The following DGCR6L variants were observed in gnomAD, a reference collection of about 807,000 sequenced individuals.
The protein encoded by DGCR6L is protein DGCR6L.
DGCR6L carries 24 observed loss-of-function variants against 31.1 expected under a neutral mutation model. The ratio of observed to expected loss-of-function variants is 0.77; its 90% CI spans 0.56 to 1.08. DGCR6L has a LOEUF of 1.08. Ranked by LOEUF, DGCR6L falls within the 50% of genes least tolerant of loss-of-function variation. The pLI, the probability that DGCR6L is intolerant of heterozygous loss-of-function variation, is 0.00. For missense variants in DGCR6L, 218 were observed against 287.1 expected (o/e 0.76, Z 1.74); for synonymous variants, 104 against 126.1 (o/e 0.82, Z 1.17).
chr22:20,314,675 C>G lies in DGCR6L; in HGVS notation c.663G>C (p.Ter221TyrextTer51). Residue 221 changes from the stop codon to tyrosine, a stop_lost, in exon 5 of 5, where the codon TAG (stop) becomes TAC (tyrosine). Transcript: ENST00000248879. Reference protein sequence around the residue: ...CDQKGSPVPP* With the variant: ...CDQKGSPVPPY ...CTGCCCAGACTTCTGCTGCCTGTGG[C>G]TATGGTGGGACAGGGCTGCCTTTCT... 1 of 1,592,604 alleles carries G rather than the reference C, an allele frequency of 6.3e-7. No homozygotes were observed. The highest frequency in any genetic ancestry group is 1.7e-5 in the Admixed American group (1 of 58,370).
rs1203159207 is a variant in DGCR6L at position 20,315,357 on chromosome 22, G to A, written c.492C>T (p.Phe164=). The A allele has an allele frequency of 1.9e-6, 3 of 1,613,572 alleles. No homozygotes were observed. The highest frequency in any genetic ancestry group is 2.5e-6 in the Non-Finnish European group (3 of 1,179,928). Residue 164 remains phenylalanine, a synonymous_variant, in exon 4 of 5, where the codon TTC becomes TTT. Coordinates refer to ENST00000248879, the MANE Select transcript of DGCR6L (RefSeq NM_033257.4). ...TGACCTGTGGGTTGGTGGTCACGTA[G>A]AAGCCAGCCACCCCCGCCTTCTCCA... ...STLEKAGVAG[F]YVTTNPQELM... is the part of the protein sequence containing the mutation.
At position 20,315,536 on chromosome 22, in the gene DGCR6L, G is replaced by A. The variant is rs530159375; in HGVS notation, c.373-60C>T. The stretch of plus-strand genomic sequence containing the variant: ...GAGGGCAGCTCTGCCATCAGGGGGC[G>A]GGGAGGTGAGGGCAGCTCAAACACA... On this transcript the variant is annotated intron_variant, in intron 3 of 4. Transcript: ENST00000248879. 1.0e-4 allele frequency: 159 copies of A among 1,578,334 alleles called. No individual in the cohort carries two copies. The South Asian group carries it at 1.3e-3, about 13-fold the overall frequency.
chr22:20,318,688 T>C (rs2146018892), intron 2 of DGCR6L: 1 of 152,336 alleles, frequency 6.6e-6, no homozygotes, highest in Middle Eastern at 3.4e-3. Flanking sequence ...ACCAGTTTTG[T>C]TCTAGAGCAC....
At chr22:20,316,313 G>A in intron 2 of DGCR6L, 94 bp from the exon 3 acceptor site, 8 of 1,491,262 alleles carry the variant, frequency 5.4e-6, no homozygotes, top group Non-Finnish European at 7.3e-6. Flanking sequence ...GAGCAGCCAG[G>A]CCAAAGGGGT....
chr22:20,316,863 A>G (rs1437149958), intron 2 of DGCR6L, among the ~76,000 whole-genome samples: 3 of 152,160 alleles, frequency 2.0e-5, no homozygotes, highest in Non-Finnish European at 2.9e-5. Flanking sequence ...CCATCAAGTA[A>G]AGCTCCACGG....
intron 2 of DGCR6L, chr22:20,318,417 G>A (rs1045886169): frequency 3.9e-5 from 6 of 152,204 alleles, no homozygotes; most frequent in African/African-American, 1.4e-4. Flanking sequence ...TCGTCTGATA[G>A]ATCAAGAGCA....
At chr22:20,315,015 G>A (rs1264228035) in intron 4 of DGCR6L, 191 bp from the exon 5 acceptor site, 2 of 1,349,382 alleles carry the variant, frequency 1.5e-6, no homozygotes, top group Non-Finnish European at 2.1e-6. Flanking sequence ...TCTGCCCCCA[G>A]CAGGGCCACT....
chr22:20,315,349 G>A lies in DGCR6L; in HGVS notation c.500C>T (p.Thr167Ile). The change falls in exon 4 of 5, where the codon ACC (threonine) becomes ATC (isoleucine). Residue 167 changes from threonine (T) to isoleucine (I), a missense_variant. Coordinates refer to ENST00000248879, the MANE Select transcript of DGCR6L (RefSeq NM_033257.4). ...CCAGGCACTGACCTGTGGGTTGGTG[G>A]TCACGTAGAAGCCAGCCACCCCCGC... ...EKAGVAGFYV[T>I]TNPQELMLQM... The A allele has an allele frequency of 6.2e-6, 10 of 1,613,400 alleles. No homozygotes were observed. Among genetic ancestry groups the A allele is most frequent in the Non-Finnish European group, 8.5e-6 (10 of 1,179,814 alleles).
chr22:20,318,757 T>G (rs1201833389), intron 2 of DGCR6L: 1 of 152,192 alleles, frequency 6.6e-6, no homozygotes, highest in African/African-American at 2.4e-5. Flanking sequence ...GAGGCATTCT[T>G]GGTTTTCAGG....
At chr22:20,315,561 A>T (rs2051565543) in intron 3 of DGCR6L, 85 bp from the exon 4 acceptor site, 1 of 1,537,922 alleles carries the variant, frequency 6.5e-7, no homozygotes, top group Non-Finnish European at 8.7e-7. Context: ...GCTCAAACAC[A>T]TGCTCCTGCT....
rs2051562325 is a variant in DGCR6L at position 20,315,158 on chromosome 22, G to A, written c.513+178C>T. ...CCATGGCTGGCTGGCTCACCCTCCT[G>A]TAGGGAATGGGCCTGGCCTCCGTGC... On this transcript the variant is annotated intron_variant, in intron 4 of 4. Coordinates refer to ENST00000248879, the MANE Select transcript of DGCR6L (RefSeq NM_033257.4). 6 of 1,459,770 alleles carry A rather than the reference G, an allele frequency of 4.1e-6. No individual in the cohort carries two copies. The East Asian group carries it at 1.5e-4, about 36-fold the overall frequency. 90.4% of individuals were successfully genotyped at this position (1,459,770 alleles called of 1,614,324 possible). A position where few individuals can be genotyped will look rare whatever the true frequency, so the allele number is the denominator to read the frequency against.
intron 2 of DGCR6L, 72 bp downstream of exon 2, chr22:20,319,567 C>T (rs752044649): frequency 1.3e-6 from 2 of 1,571,074 alleles, no homozygotes; most frequent in Non-Finnish European, 1.7e-6. Flanking sequence ...AGCTGATCTG[C>T]ACAGATACCA....
intron 2 of DGCR6L, chr22:20,318,842 T>C (rs1363843234): frequency 6.6e-6 from 1 of 152,156 alleles, no homozygotes; most frequent in Non-Finnish European, 1.5e-5. Context: ...CAGCCACAAA[T>C]GTCAGCATGG....
Position 20,319,695 on chromosome 22 carries a change from T to C in DGCR6L, c.215A>G (p.His72Arg), listed in dbSNP as rs1423911947. ...GTTGTACAGGCTCTTTTCGGTGAGG[T>C]GCTGGATCTCCAGTAGCCCCTGCAC... ...EIVQGLLEIQ[H>R]LTEKSLYNQR... The change falls in exon 2 of 5, where the codon CAC (histidine) becomes CGC (arginine). Residue 72 changes from histidine (H) to arginine (R), a missense_variant. Transcript: ENST00000248879. The C allele has an allele frequency of 6.2e-7, 1 of 1,612,262 alleles. No homozygotes were observed. Among genetic ancestry groups the C allele is most frequent in the Non-Finnish European group, 8.5e-7 (1 of 1,179,844 alleles).
intron 2 of DGCR6L, chr22:20,318,865 TC>T: frequency 6.6e-6 from 1 of 152,252 alleles, no homozygotes; most frequent in Admixed American, 6.5e-5. Flanking sequence ...GGGTTGAAAA[TC>T]CTGGTCTCCA....
intron 2 of DGCR6L, among the ~76,000 whole-genome samples, chr22:20,316,988 C>G (rs1169926897): frequency 6.6e-6 from 1 of 152,206 alleles, no homozygotes; most frequent in South Asian, 2.1e-4. Flanking sequence ...ATGCAGCACC[C>G]CACAGCTGGC....
rs1283030482 is a variant in DGCR6L at position 20,319,730 on chromosome 22, C to G, written c.180G>C (p.Val60=). ...CCAGTAGCCCCTGCACGATTTCGAA[C>G]ACGGTGCCGTCGAGAAGCGCCAGGG... ...DLALALLDGT[V]FEIVQGLLEI... Residue 60 remains valine (V), a synonymous_variant, in exon 2 of 5, where the codon GTG becomes GTC. Transcript: ENST00000248879. 1.2e-6 allele frequency: 2 copies of G among 1,613,178 alleles called. No individual in the cohort carries two copies. Among genetic ancestry groups the G allele is most frequent in the Admixed American group, 3.3e-5 (2 of 59,926 alleles).
intron 2 of DGCR6L, among the ~76,000 whole-genome samples, chr22:20,319,168 G>C (rs2051589639): frequency 6.6e-6 from 1 of 152,226 alleles, no homozygotes; most frequent in Non-Finnish European, 1.5e-5. Flanking sequence ...TCGGGTTTGG[G>C]AGGGCGCCAC....
intron 3 of DGCR6L, among the ~76,000 whole-genome samples, chr22:20,315,883 G>A (rs1175625417): frequency 6.6e-6 from 1 of 152,190 alleles, no homozygotes; most frequent in Non-Finnish European, 1.5e-5. Context: ...AACCCACGAG[G>A]AGCTGCTATC....
Sources: allele counts gnomAD v4.1 joint callset (sites outside exome capture counted in the v4.1 genomes callset), GRCh38; gene constraint gnomAD v4.1.1; transcripts MANE v1.5; gene names NCBI Gene and HGNC (gene_info 2026-07-23, HGNC 2026-07-21).